The following NCOA2 variants were observed in gnomAD, a reference collection of about 807,000 sequenced individuals.
NCOA2 encodes nuclear receptor coactivator 2.
Under a neutral mutation model 145.1 loss-of-function variants are expected in NCOA2, and 21 were observed. That is an observed-to-expected ratio of 0.14 (90% CI 0.10 to 0.21). The LOEUF (loss-of-function observed/expected upper bound fraction) is 0.21. Ranked by LOEUF, NCOA2 falls within the 10% of genes least tolerant of loss-of-function variation. The probability of loss-of-function intolerance (pLI) is 1.00; values close to 1 mark genes in which losing one functional copy is unlikely to be tolerated. For synonymous variants in NCOA2, 619 were observed against 637.5 expected (o/e 0.97, Z 0.44); for missense variants, 1,472 against 1,837.6 (o/e 0.80, Z 3.64).
At chr8:70,129,677 C>CTT (rs990872423) in intron 16 of NCOA2, among the ~76,000 whole-genome samples, 1 of 147,476 alleles carries the variant, frequency 6.8e-6, no homozygotes, top group African/African-American at 2.5e-5. Context: ...TCACTCCTGA[C>CTT]TTTTTTTTTT....
Position 70,163,449 on chromosome 8 carries a change from T to C in NCOA2, c.832+16A>G. ...CTAAAATGATTCCTTTGGTCTTCTTTGGAGAGGAAATTTACCTTGGAGATC... is the reference window on the plus strand; with the variant it reads ...CTAAAATGATTCCTTTGGTCTTCTTCGGAGAGGAAATTTACCTTGGAGATC... On this transcript the variant is annotated intron_variant, in intron 8 of 22. Transcript: ENST00000452400. 1 of 1,582,318 alleles carries C rather than the reference T, an allele frequency of 6.3e-7. No individual in the cohort carries two copies. The highest frequency in any genetic ancestry group is 8.7e-7 in the Non-Finnish European group (1 of 1,151,602).
rs1192982061 is a variant in NCOA2 at position 70,111,960 on chromosome 8, T to A, written c.*1672A>T. ...GAAATAGCTCAAAAAAGGTCATCAG[T>A]TTCTTGGTATTGGAGTTGTCTGAAA... On this transcript the variant is annotated 3_prime_UTR_variant, in exon 23 of 23. Transcript: ENST00000452400. 2 of 222,026 alleles carry A rather than the reference T, an allele frequency of 9.0e-6. No homozygotes were observed. The highest frequency in any genetic ancestry group is 1.3e-4 in the East Asian group (2 of 15,098). 13.8% of individuals were successfully genotyped at this position (222,026 alleles called of 1,614,324 possible). A position where few individuals can be genotyped will look rare whatever the true frequency, so the allele number is the denominator to read the frequency against.
At chr8:70,201,423 C>T (rs928516259) in intron 4 of NCOA2, among the ~76,000 whole-genome samples, 1 of 152,180 alleles carries the variant, frequency 6.6e-6, no homozygotes, top group Non-Finnish European at 1.5e-5. Flanking sequence ...CTCATGACAA[C>T]ACCTAAGCTG....
intron 2 of NCOA2, among the ~76,000 whole-genome samples, chr8:70,265,283 C>CA (rs911469028): frequency 5.9e-5 from 9 of 152,136 alleles, no homozygotes; most frequent in African/African-American, 2.2e-4. Context: ...GCAAGAAGGC[C>CA]ACCATGTGTA....
the NCOA2 span, among the ~76,000 whole-genome samples, chr8:70,441,840 A>C: frequency 0.053 from 7,904 of 148,868 alleles, 310 homozygotes; most frequent in African/African-American, 0.11. Context: ...GAAAGAAAGA[A>C]AGACAGAAAG....
chr8:70,388,753 T>C (rs899834091), intron 1 of NCOA2, among the ~76,000 whole-genome samples: 3 of 152,142 alleles, frequency 2.0e-5, no homozygotes, highest in African/African-American at 7.2e-5. Flanking sequence ...AACTGTTCTT[T>C]TTAAAAAGCA....
chr8:70,155,907 C>T, intron 11 of NCOA2, 64 bp downstream of exon 11: 1 of 1,315,860 alleles, frequency 7.6e-7, no homozygotes, highest in Non-Finnish European at 1.0e-6. Flanking sequence ...CAAAATGCCC[C>T]TATGGAGAAA....
intron 2 of NCOA2, among the ~76,000 whole-genome samples, chr8:70,274,369 C>T (rs899052204): frequency 6.6e-6 from 1 of 152,134 alleles, no homozygotes; most frequent in Non-Finnish European, 1.5e-5. Context: ...GTTTCCAAAG[C>T]CTACAGAGCT....
At chr8:70,215,649 T>C (rs74828050) in intron 3 of NCOA2, among the ~76,000 whole-genome samples, 61 of 152,376 alleles carry the variant, frequency 4.0e-4, no homozygotes, top group African/African-American at 1.4e-3. Context: ...CTGATGCTTT[T>C]ACTGTCCATT....
At chr8:70,403,847 C>CCCTCCTCCTCCTCCTCCTCCT (rs528610374), upstream of NCOA2, 229 of 376,504 alleles carry the variant, frequency 6.1e-4, no homozygotes, top group Middle Eastern at 4.8e-3. Flanking sequence ...TCCCCCAACT[C>CCCTCCTCCTCCTCCTCCTCCT]CCTCCTCCTC....
intron 22 of NCOA2, among the ~76,000 whole-genome samples, chr8:70,119,163 C>T (rs1424634938): frequency 2.6e-5 from 4 of 152,132 alleles, no homozygotes; most frequent in Non-Finnish European, 5.9e-5. Context: ...TTTATTCCAA[C>T]TGTATGTCTG....
chr8:70,217,416 T>C (rs1250055534), intron 2 of NCOA2, among the ~76,000 whole-genome samples: 1 of 152,078 alleles, frequency 6.6e-6, no homozygotes, highest in Non-Finnish European at 1.5e-5. Context: ...GTGCCCTCTC[T>C]CTGTGGCAGC....
chr8:70,423,398 G>A, the NCOA2 span, among the ~76,000 whole-genome samples: 20 of 152,102 alleles, frequency 1.3e-4, no homozygotes, highest in Non-Finnish European at 4.4e-5. Flanking sequence ...GGTCAGGCTG[G>A]TCTGGAACTC....
intron 4 of NCOA2, among the ~76,000 whole-genome samples, chr8:70,197,931 T>C (rs1817507088): frequency 6.6e-6 from 1 of 152,016 alleles, no homozygotes; most frequent in African/African-American, 2.4e-5. Flanking sequence ...CTTGAGTAGC[T>C]AGAACTACAG....
intron 1 of NCOA2, among the ~76,000 whole-genome samples, chr8:70,346,333 A>G (rs550449931): frequency 8.3e-4 from 126 of 152,284 alleles, no homozygotes; most frequent in African/African-American, 2.9e-3. Context: ...TGTAAATATC[A>G]AACTGCTTGC....
intron 2 of NCOA2, among the ~76,000 whole-genome samples, chr8:70,257,485 CAT>C (rs1466276888): frequency 2.6e-5 from 4 of 152,230 alleles, no homozygotes; most frequent in African/African-American, 9.6e-5. Flanking sequence ...AAGGAAAAGA[CAT>C]AGTATGTAAG....
intron 2 of NCOA2, among the ~76,000 whole-genome samples, chr8:70,233,766 T>C (rs1315618503): frequency 2.0e-5 from 3 of 152,348 alleles, no homozygotes; most frequent in African/African-American, 7.2e-5. Context: ...TCAATCTCTT[T>C]TATGGGATCT....
At chr8:70,373,094 T>G (rs1359968334) in intron 1 of NCOA2, among the ~76,000 whole-genome samples, 1 of 150,426 alleles carries the variant, frequency 6.6e-6, no homozygotes, top group Admixed American at 6.6e-5. Context: ...AAAGTCTTTG[T>G]GGACATGTGC....
At chr8:70,390,818 T>C (rs989629965) in intron 1 of NCOA2, among the ~76,000 whole-genome samples, 1 of 152,052 alleles carries the variant, frequency 6.6e-6, no homozygotes, top group Admixed American at 6.6e-5. Context: ...CACACACACA[T>C]ACATATGAAG....
Sources: gnomAD v4.1 joint callset for allele counts (sites outside exome capture counted in the v4.1 genomes callset) on GRCh38, gnomAD v4.1.1 for gene constraint, MANE v1.5 for transcripts, NCBI Gene and HGNC (gene_info 2026-07-23, HGNC 2026-07-21) for gene names.